Variants in QSOX2 observed in about 807,000 individuals in gnomAD.
QSOX2 encodes quiescin sulfhydryl oxidase 2, also known as sulfhydryl oxidase 2.
Under a neutral mutation model 61.7 loss-of-function variants are expected in QSOX2, and 46 were observed. That is an observed-to-expected ratio of 0.75 (90% CI 0.59 to 0.95). QSOX2 has a LOEUF of 0.95. QSOX2 is among the 40% of genes least tolerant of loss of function. The pLI is 0.00. For synonymous variants in QSOX2, 383 were observed against 388.4 expected (o/e 0.99, Z 0.16); for missense variants, 879 against 918.9 (o/e 0.96, Z 0.56).
chr9:136,209,808 TC>T lies in QSOX2; in HGVS notation c.1550-534del. The T allele has an allele frequency of 1.0e-6, 1 of 985,294 alleles. No individual in the cohort carries two copies. The highest frequency in any genetic ancestry group is 1.1e-4 in the East Asian group (1 of 8,718). The allele number at this position is 985,294 out of a possible 1,614,324, so 61.0% of individuals were successfully genotyped here. On this transcript the variant is annotated intron_variant, in intron 11 of 11. Coordinates refer to ENST00000358701, the MANE Select transcript of QSOX2 (RefSeq NM_181701.4). This position sits in a 1 kb window ranked among gnomAD's most constrained non-coding sequence, Gnocchi z 5.6. ...GGCAGCAATGAATTTCCACTGCACT[TC>T]AGGTACACTGGCCCTTTCCGGACTA...
At chr9:136,218,008 G>T (rs1831934112) in intron 8 of QSOX2, among the ~76,000 whole-genome samples, 1 of 152,186 alleles carries the variant, frequency 6.6e-6, no homozygotes. Flanking sequence ...TCTTATTTTT[G>T]GCAAGATAAA....
rs1042972908 is a variant in QSOX2, at chr9:136,223,427, A to C, written c.675+336T>G. On this transcript the variant is annotated intron_variant, in intron 5 of 11. Coordinates refer to ENST00000358701, the MANE Select transcript of QSOX2 (RefSeq NM_181701.4). This position sits in a 1 kb window ranked among gnomAD's most constrained non-coding sequence, Gnocchi z 4.4. Reference sequence around the variant, plus strand: ...TACGGCAACGAAAAAAATCTTAGTAATAATGCATACAAAATACAGAATGAC... The same window carrying C: ...TACGGCAACGAAAAAAATCTTAGTACTAATGCATACAAAATACAGAATGAC... Among the ~76,000 whole-genome samples, 1 of 152,162 alleles carries C rather than the reference A, an allele frequency of 6.6e-6. No homozygotes were observed. Among genetic ancestry groups the C allele is most frequent in the African/African-American group, 2.4e-5 (1 of 41,440 alleles).
intron 11 of QSOX2, chr9:136,210,183 C>T: frequency 1.0e-6 from 1 of 985,472 alleles, no homozygotes; most frequent in Non-Finnish European, 1.2e-6. Flanking sequence ...GCTGCCAGAG[C>T]TTCATGTAGG....
Position 136,206,349 on chromosome 9 carries a change from A to C in QSOX2, c.*2379T>G, listed in dbSNP as rs769430067. 3.9e-5 allele frequency: 6 copies of C among 152,756 alleles called. No individual in the cohort carries two copies. Among genetic ancestry groups the C allele is most frequent in the South Asian group, 2.1e-4 (1 of 4,828 alleles). The allele number at this position is 152,756 out of a possible 1,614,324, so 9.5% of individuals were successfully genotyped here. A position where few individuals can be genotyped will look rare whatever the true frequency, so the allele number is the denominator to read the frequency against. On this transcript the variant is annotated 3_prime_UTR_variant, in exon 12 of 12. Coordinates refer to ENST00000358701, the MANE Select transcript of QSOX2 (RefSeq NM_181701.4). ...GAATCACCATTTTTTCAAATGTCAGATTTCTTTATTAAAATGTGCACATTA... is the reference window on the plus strand; with the variant it reads ...GAATCACCATTTTTTCAAATGTCAGCTTTCTTTATTAAAATGTGCACATTA...
At chr9:136,233,709 G>A (rs56353145) in intron 1 of QSOX2, among the ~76,000 whole-genome samples, 147 of 152,302 alleles carry the variant, frequency 9.7e-4, no homozygotes, top group African/African-American at 3.3e-3. Context: ...GAGACGAATC[G>A]TGCAGCAACT....
At position 136,208,842 on chromosome 9, in the gene QSOX2, C is replaced by G; in HGVS notation, c.1983G>C (p.Met661Ile). 1 of 1,614,078 alleles carries G rather than the reference C, an allele frequency of 6.2e-7. No individual in the cohort carries two copies. The highest frequency in any genetic ancestry group is 8.5e-7 in the Non-Finnish European group (1 of 1,180,038). ...CCACGTACAGCACGACACAGAGACT[C>G]ATGTCCAGGCTGGAGAAGTCAACCC... ...FLGVDFSSLD[M>I]SLCVVLYVAS... Residue 661 changes from methionine to isoleucine, a missense_variant, in exon 12 of 12, where the codon ATG (methionine) becomes ATC (isoleucine). Physicochemically the swap from Met to Ile is conservative, Grantham distance 10. Coordinates refer to ENST00000358701, the MANE Select transcript of QSOX2 (RefSeq NM_181701.4).
intron 9 of QSOX2, 27 bp downstream of exon 9, chr9:136,216,573 G>A (rs764101850): frequency 2.5e-5 from 40 of 1,611,708 alleles, no homozygotes; most frequent in East Asian, 1.8e-4. Context: ...AGGGTGCAGC[G>A]TGGCTGGCGA....
At chr9:136,239,551 T>C (rs563785085) in intron 1 of QSOX2, among the ~76,000 whole-genome samples, 1 of 152,326 alleles carries the variant, frequency 6.6e-6, no homozygotes, top group South Asian at 2.1e-4. Context: ...CAGATGAATT[T>C]CCAGCGCAAA....
At position 136,209,485 on chromosome 9, in the gene QSOX2, C is replaced by G; in HGVS notation, c.1550-210G>C. The G allele has an allele frequency of 1.0e-6, 1 of 985,424 alleles. No individual in the cohort carries two copies. The highest frequency in any genetic ancestry group is 1.2e-6 in the Non-Finnish European group (1 of 829,936). 61.0% of individuals were successfully genotyped at this position (985,424 alleles called of 1,614,324 possible). A position where few individuals can be genotyped will look rare whatever the true frequency, so the allele number is the denominator to read the frequency against. ...TCCTGCTTCTGCAGGCCCCTGCGCA[C>G]GTGTTCCCCTCTGCCGGTTCCCATA... On this transcript the variant is annotated intron_variant, in intron 11 of 11. Transcript: ENST00000358701. The surrounding 1 kb of genome is among the most constrained non-coding windows in gnomAD (Gnocchi z 5.6).
intron 1 of QSOX2, among the ~76,000 whole-genome samples, chr9:136,243,824 A>G (rs904765850): frequency 2.6e-5 from 4 of 152,194 alleles, no homozygotes; most frequent in Non-Finnish European, 4.4e-5. Context: ...TCTCAGTCTC[A>G]GGCACAAGCC....
rs1039461922 is a variant in QSOX2, at chr9:136,210,215, C to T, written c.1550-940G>A. On this transcript the variant is annotated intron_variant, in intron 11 of 11. Coordinates refer to ENST00000358701, the MANE Select transcript of QSOX2 (RefSeq NM_181701.4). ...TAGGACTGTCAAATAAGGCGCCAGCCCTGGGCAGAAGACCCCAGGCACATC... is the reference window on the plus strand; with the variant it reads ...TAGGACTGTCAAATAAGGCGCCAGCTCTGGGCAGAAGACCCCAGGCACATC... 1.6e-4 allele frequency: 161 copies of T among 985,224 alleles called. No individual in the cohort carries two copies. The Middle Eastern group carries it at 2.1e-3, about 13-fold the overall frequency. The allele number at this position is 985,224 out of a possible 1,614,324, so 61.0% of individuals were successfully genotyped here.
chr9:136,211,242 C>T (rs1466026361), intron 11 of QSOX2, 22 bp downstream of exon 11: 2 of 1,612,096 alleles, frequency 1.2e-6, no homozygotes, highest in Non-Finnish European at 1.7e-6. Context: ...TGCTGAGCCC[C>T]CCATGCCCAG....
intron 1 of QSOX2, among the ~76,000 whole-genome samples, chr9:136,233,983 G>A (rs10117323): frequency 0.01 from 1,573 of 152,304 alleles, 22 homozygotes; most frequent in African/African-American, 0.035. Context: ...CACGGAACAC[G>A]CCTGCCTCCC....
At chr9:136,229,147 G>A (rs1366600236) in intron 1 of QSOX2, among the ~76,000 whole-genome samples, 2 of 152,208 alleles carry the variant, frequency 1.3e-5, no homozygotes, top group African/African-American at 2.4e-5. Context: ...TCCCGCTTAC[G>A]CTGGCTAAGT....
At chr9:136,226,360 CTG>C (rs771250707) in intron 2 of QSOX2, among the ~76,000 whole-genome samples, 59 of 152,192 alleles carry the variant, frequency 3.9e-4, no homozygotes, top group Admixed American at 3.8e-3. Context: ...GGCCCTGTGC[CTG>C]TGTGTGCGTG....
intron 10 of QSOX2, among the ~76,000 whole-genome samples, chr9:136,214,308 G>A (rs1277967253): frequency 2.6e-5 from 4 of 152,216 alleles, no homozygotes; most frequent in Admixed American, 2.0e-4. Context: ...CAGCCTCTGC[G>A]ACGGTCCCCA....
chr9:136,236,378 A>G (rs1830381635), intron 1 of QSOX2, among the ~76,000 whole-genome samples: 1 of 152,238 alleles, frequency 6.6e-6, no homozygotes, highest in South Asian at 2.1e-4. Context: ...GGATATTCAC[A>G]GGTATCTGAA....
Position 136,210,641 on chromosome 9 carries a change from T to C in QSOX2, c.1549+623A>G, listed in dbSNP as rs1338850873. On this transcript the variant is annotated intron_variant, in intron 11 of 11. Transcript: ENST00000358701. ...CAGGGCAAAGAAAAACCAATTTCTT[T>C]AGTGCTTCAGCTGTAATATGTTTTT... 6.1e-6 allele frequency: 6 copies of C among 985,334 alleles called. No homozygotes were observed. The African/African-American group carries it at 8.7e-5, about 14-fold the overall frequency. 61.0% of individuals were successfully genotyped at this position (985,334 alleles called of 1,614,324 possible).
Position 136,218,735 on chromosome 9 carries a change from A to T in QSOX2, c.1030T>A (p.Ser344Thr), listed in dbSNP as rs755566167. The change falls in exon 8 of 12, where the codon TCC becomes ACC. Residue 344 changes from serine (S) to threonine (T), a missense_variant. Ser to Thr is a moderately conservative substitution (Grantham distance 58, BLOSUM62 1). Transcript: ENST00000358701. ...LLRVELAAHK[S>T]LAGAELKTLK... Reference sequence around the variant, plus strand: ...GTCTTCAGCTCTGCTCCGGCCAGGGACTTGTGGGCTGCCAGCTCCACCCGC... The same window carrying T: ...GTCTTCAGCTCTGCTCCGGCCAGGGTCTTGTGGGCTGCCAGCTCCACCCGC... The T allele has an allele frequency of 1.2e-6, 2 of 1,613,670 alleles. No homozygotes were observed. The highest frequency in any genetic ancestry group is 3.3e-5 in the Admixed American group (2 of 60,024).
Sources: allele counts gnomAD v4.1 joint callset (sites outside exome capture counted in the v4.1 genomes callset), GRCh38; gene constraint gnomAD v4.1.1; non-coding constraint Gnocchi (gnomAD v3.1); transcripts MANE v1.5; gene names NCBI Gene and HGNC (gene_info 2026-07-23, HGNC 2026-07-21).